NHSL2: variants seen among roughly 807,000 people sequenced by gnomAD.
The protein encoded by NHSL2 is NHS-like protein 2.
A neutral mutation model predicts 53.4 loss-of-function variants in NHSL2; 27 were observed. That is an observed-to-expected ratio of 0.51 (90% CI 0.37 to 0.70). The LOEUF is 0.70. Among genes scored for constraint, NHSL2 ranks in the 30% least tolerant of loss-of-function variants. NHSL2 has a pLI of 0.00. For missense variants in NHSL2, 892 were observed against 980.1 expected (o/e 0.91, Z 1.20); for synonymous variants, 408 against 404.1 (o/e 1.01, Z -0.12).
chrX:71,914,119 G>GA (rs2041617049), intron 1 of NHSL2, among the ~76,000 whole-genome samples: 4 of 112,391 alleles, frequency 3.6e-5, no homozygotes, highest in Non-Finnish European at 7.5e-5. Context: ...GACTGCCGAA[G>GA]GCCCCTGTGG....
chrX:71,955,954 C>T lies in NHSL2; in HGVS notation c.280+44587C>T, dbSNP rs777776711. On this transcript the variant is annotated intron_variant, in intron 1 of 7. Transcript: ENST00000633930. Reference sequence around the variant, plus strand: ...GCAGGACAGCCTGAGGAACTTGCCTCGTGGGCCTCACGCTCTGTAGCAACT... The same window carrying T: ...GCAGGACAGCCTGAGGAACTTGCCTTGTGGGCCTCACGCTCTGTAGCAACT... 3.6e-5 allele frequency among the ~76,000 whole-genome samples: 4 copies of T among 111,278 alleles called. No homozygotes were observed. The East Asian group carries it at 1.1e-3, about 32-fold the overall frequency.
In NHSL2 at chrX:72,147,991, T is replaced by C. The variant is rs2042476942; in HGVS notation, c.*4417T>C. On this transcript the variant is annotated 3_prime_UTR_variant, in exon 8 of 8. Transcript: ENST00000633930. The stretch of plus-strand genomic sequence containing the variant: ...TTCCCTGACGCCTAACTCCAGAATA[T>C]AGAAAATATCTTAATCGCCTGGAAT... The C allele has an allele frequency of 8.9e-6, 1 of 111,798 alleles. No individual in the cohort carries two copies. The highest frequency in any genetic ancestry group is 3.3e-5 in the African/African-American group (1 of 30,719). 9.2% of individuals were successfully genotyped at this position (111,798 alleles called of 1,213,427 possible).
Position 71,911,380 on chromosome X carries a change from C to T in NHSL2, c.280+13C>T, listed in dbSNP as rs1269082129. 1 of 1,047,450 alleles carries T rather than the reference C, an allele frequency of 9.5e-7. No individual in the cohort carries two copies. The highest frequency in any genetic ancestry group is 1.2e-6 in the Non-Finnish European group (1 of 815,653). 86.3% of individuals were successfully genotyped at this position (1,047,450 alleles called of 1,213,427 possible). On this transcript the variant is annotated intron_variant, in intron 1 of 7. Transcript: ENST00000633930. ...GAGGAAGAGCTAGGTAAAAACGGCG[C>T]CCCGGTGGCTCGCGGCCCCGCGTCT...
intron 1 of NHSL2, among the ~76,000 whole-genome samples, chrX:72,051,907 G>A (rs894009612): frequency 2.7e-5 from 3 of 111,839 alleles, no homozygotes; most frequent in African/African-American, 9.8e-5. Context: ...TTGCCTCAAT[G>A]ACAGCTTTCT....
Position 72,025,153 on chromosome X carries a change from A to G in NHSL2, c.281-106926A>G, listed in dbSNP as rs2042179057. 2.7e-5 allele frequency among the ~76,000 whole-genome samples: 3 copies of G among 112,509 alleles called. No individual in the cohort carries two copies. In the South Asian group the frequency reaches 1.1e-3, roughly 41 times the overall value. On this transcript the variant is annotated intron_variant, in intron 1 of 7. Coordinates refer to ENST00000633930, the MANE Select transcript of NHSL2 (RefSeq NM_001013627.3). ...TGACCATTCCACAATGTATACATGT[A>G]TCAAAACCTCACAATGTACCCTATA...
At chrX:71,959,580 A>G (rs1376996052) in intron 1 of NHSL2, among the ~76,000 whole-genome samples, 2 of 110,521 alleles carry the variant, frequency 1.8e-5, no homozygotes, top group Non-Finnish European at 3.8e-5. Context: ...CAAACCCCCA[A>G]ATCAATATTG....
chrX:72,035,757 C>A (rs1267751866), intron 1 of NHSL2, among the ~76,000 whole-genome samples: 1 of 111,858 alleles, frequency 8.9e-6, no homozygotes, highest in Non-Finnish European at 1.9e-5. Context: ...TTTTTGCTTA[C>A]TGTGTTATTT....
intron 1 of NHSL2, among the ~76,000 whole-genome samples, chrX:72,097,360 T>C (rs1173107965): frequency 8.9e-6 from 1 of 112,062 alleles, no homozygotes; most frequent in Non-Finnish European, 1.9e-5. Context: ...TTCAGGACCA[T>C]GGCTGTCTCC....
intron 1 of NHSL2, among the ~76,000 whole-genome samples, chrX:72,040,202 C>T (rs1054197463): frequency 1.8e-5 from 2 of 111,518 alleles, no homozygotes; most frequent in African/African-American, 3.3e-5. Context: ...CCCTAATGTT[C>T]CCTTGACAGG....
At chrX:72,112,039 G>A (rs1482420247) in intron 1 of NHSL2, among the ~76,000 whole-genome samples, 1 of 110,557 alleles carries the variant, frequency 9.0e-6, no homozygotes, top group Non-Finnish European at 1.9e-5. Context: ...TTTGAGCAGA[G>A]ACCCAAATGA....
intron 1 of NHSL2, among the ~76,000 whole-genome samples, chrX:71,944,071 C>T (rs1247177367): frequency 1.8e-5 from 2 of 112,307 alleles, no homozygotes; most frequent in African/African-American, 6.5e-5. Flanking sequence ...TCTCTCCACA[C>T]TCTTGAGTAT....
At chrX:72,083,149 T>TC (rs2041806991) in intron 1 of NHSL2, among the ~76,000 whole-genome samples, 1 of 111,274 alleles carries the variant, frequency 9.0e-6, no homozygotes, top group Admixed American at 9.5e-5. Context: ...CGTTGCTGGT[T>TC]CCCCCCTACA....
At position 72,144,641 on chromosome X, in the gene NHSL2, A is replaced by G. The variant is rs2042448474; in HGVS notation, c.*1067A>G. 1.1e-5 allele frequency: 8 copies of G among 740,716 alleles called. No homozygotes were observed. Among genetic ancestry groups the G allele is most frequent in the Non-Finnish European group, 1.5e-5 (8 of 523,872 alleles). The allele number at this position is 740,716 out of a possible 1,213,427, so 61.0% of individuals were successfully genotyped here. On this transcript the variant is annotated 3_prime_UTR_variant, in exon 8 of 8. Coordinates refer to ENST00000633930, the MANE Select transcript of NHSL2 (RefSeq NM_001013627.3). ...ACTCTGTTCCAAAAACCAAGAACAT[A>G]TAAACTAAAAGGATCTATCCAAAAT...
chrX:71,997,803 C>G (rs2042055968), intron 1 of NHSL2, among the ~76,000 whole-genome samples: 1 of 112,154 alleles, frequency 8.9e-6, no homozygotes, highest in Admixed American at 9.4e-5. Context: ...ATTGCCATGT[C>G]CCTAGGGCCT....
chrX:71,963,997 A>ATGTGTG (rs1231975155), intron 1 of NHSL2, among the ~76,000 whole-genome samples: 1 of 35,706 alleles, frequency 2.8e-5, no homozygotes, highest in African/African-American at 1.5e-4. Context: ...ATATATGTAT[A>ATGTGTG]TACATATATA....
chrX:72,018,562 G>C (rs1040505736), intron 1 of NHSL2, among the ~76,000 whole-genome samples: 4 of 112,870 alleles, frequency 3.5e-5, no homozygotes. Flanking sequence ...GCTGCTTTTC[G>C]TGCGCGGAGC....
At position 71,964,211 on chromosome X, in the gene NHSL2, C is replaced by T. The variant is rs188017782; in HGVS notation, c.280+52844C>T. 4.4e-3 allele frequency among the ~76,000 whole-genome samples: 448 copies of T among 102,095 alleles called. 3 individuals are homozygous for T. The highest frequency in any genetic ancestry group is 0.015 in the African/African-American group (418 of 28,098). The allele number at this position is 102,095 out of a possible 115,157, so 88.7% of individuals were successfully genotyped here. On this transcript the variant is annotated intron_variant, in intron 1 of 7. Coordinates refer to ENST00000633930, the MANE Select transcript of NHSL2 (RefSeq NM_001013627.3). ...TTATTTCTCCTAATGTTATCCCTCCCCTAGCCCCCCACCCCCAACAGGCCC... is the reference window on the plus strand; with the variant it reads ...TTATTTCTCCTAATGTTATCCCTCCTCTAGCCCCCCACCCCCAACAGGCCC...
chrX:72,030,000 AT>A (rs2042206362), intron 1 of NHSL2, among the ~76,000 whole-genome samples: 1 of 112,427 alleles, frequency 8.9e-6, no homozygotes, highest in Non-Finnish European at 1.9e-5. Flanking sequence ...CACCCCTTAA[AT>A]GTAAAGCTGA....
At chrX:72,086,836 A>T (rs1045911615) in intron 1 of NHSL2, among the ~76,000 whole-genome samples, 3 of 112,161 alleles carry the variant, frequency 2.7e-5, no homozygotes, top group African/African-American at 9.7e-5. Context: ...CTGATTTTTT[A>T]AAAAAGATAC....
Sources: allele counts gnomAD v4.1 joint callset (sites outside exome capture counted in the v4.1 genomes callset), GRCh38; gene constraint gnomAD v4.1.1; transcripts MANE v1.5; gene names NCBI Gene and HGNC (gene_info 2026-07-23, HGNC 2026-07-21).